Variants in PAMR1 observed in about 807,000 individuals in gnomAD.
The protein encoded by PAMR1 is inactive serine protease PAMR1.
PAMR1 carries 88 observed loss-of-function variants against 81.8 expected under a neutral mutation model. The ratio of observed to expected loss-of-function variants is 1.08; its 90% CI spans 0.91 to 1.28. The LOEUF is 1.28. PAMR1 is among the 50% of genes most tolerant of loss of function. PAMR1 has a pLI of 0.00. For missense variants in PAMR1, 935 were observed against 919.7 expected, an observed-to-expected ratio of 1.02 and a Z score of -0.21; for synonymous variants, 336 against 345.3, an observed-to-expected ratio of 0.97 and a Z score of 0.30.
intron 6 of PAMR1, among the ~76,000 whole-genome samples, chr11:35,457,309 G>GT (rs11381482): frequency 0.37 from 56,515 of 151,816 alleles, 10,939 homozygotes; most frequent in African/African-American, 0.48. Context: ...GAATGCTTGA[G>GT]GGGGAATCCA....
chr11:35,492,201 T>C (rs1259100196), intron 2 of PAMR1, 28 bp from the exon 3 acceptor site: 2 of 1,613,244 alleles, frequency 1.2e-6, no homozygotes, highest in East Asian at 2.2e-5. Context: ...AGAGGAGTGT[T>C]AGGCCAAAGC....
In PAMR1 at chr11:35,439,652, C is replaced by T; in HGVS notation, c.1075G>A (p.Val359Ile). Residue 359 changes from valine (V) to isoleucine (I), a missense_variant, in exon 8 of 11, where the codon GTT (valine) becomes ATT (isoleucine). Val to Ile is a conservative substitution (Grantham distance 29). Transcript: ENST00000619888. ...CTTGACTGAACCTGCATCGGAAGAA[C>T]TCTCCTTCTCACCAGGTCTGAAATC... ...PKISDLVRRRVLPMQVQSRET... is the reference protein window; with the variant it reads ...PKISDLVRRRILPMQVQSRET... 6.2e-7 allele frequency: 1 copy of T among 1,614,042 alleles called. No homozygotes were observed. Among genetic ancestry groups the T allele is most frequent in the Non-Finnish European group, 8.5e-7 (1 of 1,179,904 alleles).
chr11:35,525,718 G>C (rs1334897608), upstream of PAMR1: 1 of 718,914 alleles, frequency 1.4e-6, no homozygotes, highest in Non-Finnish European at 2.4e-6. Context: ...AGCTCGCCAG[G>C]CTCTCCCATC....
At chr11:35,453,582 C>G (rs963949988) in intron 6 of PAMR1, 1 of 152,176 alleles carries the variant, frequency 6.6e-6, no homozygotes, top group African/African-American at 2.4e-5. Flanking sequence ...AGACATCTAC[C>G]TGGTGGGTAC....
Position 35,492,190 on chromosome 11 carries a change from A to G in PAMR1, c.251-17T>C. On this transcript the variant is annotated splice_polypyrimidine_tract_variant and intron_variant, in intron 2 of 10. Coordinates refer to ENST00000619888, the MANE Select transcript of PAMR1 (RefSeq NM_001001991.3). Reference sequence around the variant, plus strand: ...TGGTACAACCTGAAACATTCCCAAGAAGAGGAGTGTTAGGCCAAAGCACCT... The same window carrying G: ...TGGTACAACCTGAAACATTCCCAAGGAGAGGAGTGTTAGGCCAAAGCACCT... 1.2e-6 allele frequency: 2 copies of G among 1,613,820 alleles called. No homozygotes were observed. Among genetic ancestry groups the G allele is most frequent in the South Asian group, 2.2e-5 (2 of 91,028 alleles).
intron 3 of PAMR1, among the ~76,000 whole-genome samples, chr11:35,482,913 T>C (rs1484435279): frequency 2.0e-5 from 3 of 152,228 alleles, no homozygotes; most frequent in Admixed American, 6.5e-5. Flanking sequence ...TCATCCATTA[T>C]AGTCATCTTT....
chr11:35,505,580 T>C (rs1438884910), intron 1 of PAMR1, among the ~76,000 whole-genome samples: 1 of 152,176 alleles, frequency 6.6e-6, no homozygotes, highest in African/African-American at 2.4e-5. Context: ...ATCCTCTTGC[T>C]GAATTGACTT....
chr11:35,495,327 T>G (rs1173783544), intron 1 of PAMR1, among the ~76,000 whole-genome samples: 1 of 150,938 alleles, frequency 6.6e-6, no homozygotes, highest in Non-Finnish European at 1.5e-5. Flanking sequence ...AACTGAGTGT[T>G]CTTTCTCATA....
chr11:35,470,534 G>T, intron 5 of PAMR1, 67 bp downstream of exon 5: 1 of 1,183,704 alleles, frequency 8.4e-7, no homozygotes, highest in Non-Finnish European at 1.3e-6. Context: ...GAAAGGAAGG[G>T]ACATGGAAAG....
chr11:35,507,149 C>T (rs910865311), intron 1 of PAMR1, among the ~76,000 whole-genome samples: 6 of 147,414 alleles, frequency 4.1e-5, no homozygotes, highest in South Asian at 2.2e-4. Flanking sequence ...CAGGTTCAAG[C>T]GATTCTCCTG....
chr11:35,447,627 C>T (rs1856325717), intron 6 of PAMR1, among the ~76,000 whole-genome samples: 2 of 152,170 alleles, frequency 1.3e-5, no homozygotes, highest in African/African-American at 4.8e-5. Context: ...TTAATTGGGG[C>T]ATTTAGCCTA....
At chr11:35,436,708 A>C (rs956222387) in intron 8 of PAMR1, among the ~76,000 whole-genome samples, 2 of 151,396 alleles carry the variant, frequency 1.3e-5, no homozygotes, top group Non-Finnish European at 2.9e-5. Context: ...TCTCCCACTG[A>C]GCAAATTCTC....
rs774719698 is a variant in PAMR1 at position 35,435,978 on chromosome 11, G to A, written c.1258C>T (p.Arg420Cys). ...LQYECISPFY[R>C]RLGSSRRTCL... ...GTCCTCCTGCTGCTGCCCAGGCGGC[G>A]GTAGAAGGGTGAGATGCACTCATAC... Residue 420 changes from arginine to cysteine, a missense_variant, in exon 9 of 11, where the codon CGC becomes TGC. By Grantham distance (180) the Arg-to-Cys change is radical. Transcript: ENST00000619888. The A allele has an allele frequency of 3.0e-5, 48 of 1,614,054 alleles. No homozygotes were observed. Among genetic ancestry groups the A allele is most frequent in the East Asian group, 4.5e-5 (2 of 44,886 alleles).
At chr11:35,451,889 A>T (rs1187095358) in intron 6 of PAMR1, 1 of 706,416 alleles carries the variant, frequency 1.4e-6, no homozygotes, top group Non-Finnish European at 2.6e-6. Flanking sequence ...AGCCCTCACC[A>T]GACAATGAAT....
At position 35,436,116 on chromosome 11, in the gene PAMR1, G is replaced by A; in HGVS notation, c.1120C>T (p.Leu374=). ...TGCTTGCTGAAGGCCGCTGAGTATAGCTGGTGTAATGGTGTCTCCCTGGGT... is the reference window on the plus strand; with the variant it reads ...TGCTTGCTGAAGGCCGCTGAGTATAACTGGTGTAATGGTGTCTCCCTGGGT... The part of the protein sequence containing the change: ...VQSRETPLHQ[L]YSAAFSKQKL... The change falls in exon 9 of 11, where the codon CTA becomes TTA. Residue 374 remains leucine, a synonymous_variant. Transcript: ENST00000619888. 1 of 1,613,762 alleles carries A rather than the reference G, an allele frequency of 6.2e-7. No individual in the cohort carries two copies. The highest frequency in any genetic ancestry group is 8.5e-7 in the Non-Finnish European group (1 of 1,179,676).
At chr11:35,485,515 G>A (rs1262267088) in intron 3 of PAMR1, among the ~76,000 whole-genome samples, 1 of 152,202 alleles carries the variant, frequency 6.6e-6, no homozygotes, top group African/African-American at 2.4e-5. Flanking sequence ...GCAGAAAGAT[G>A]TGAATAAGTT....
At chr11:35,526,657 T>G (rs906200498), upstream of PAMR1, among the ~76,000 whole-genome samples, 1 of 152,210 alleles carries the variant, frequency 6.6e-6, no homozygotes, top group African/African-American at 2.4e-5. Context: ...GAGCCAGGGT[T>G]TGAACCCGGG....
intron 4 of PAMR1, among the ~76,000 whole-genome samples, chr11:35,473,339 C>T (rs11033140): frequency 0.36 from 54,069 of 152,042 alleles, 10,427 homozygotes; most frequent in African/African-American, 0.52. Context: ...AATCCTCCAC[C>T]GTTTTGCTAT....
rs141122734 is a variant in PAMR1 at position 35,485,196 on chromosome 11, A to G, written c.379+6849T>C. On this transcript the variant is annotated intron_variant, in intron 3 of 10. Transcript: ENST00000619888. ...TGAGGTGCAGCCTGCTTAACGGGCC[A>G]AATCTGAAACAATCTAAGCATCAAA... 2.0e-4 allele frequency among the ~76,000 whole-genome samples: 31 copies of G among 152,340 alleles called. No individual in the cohort carries two copies. In the Middle Eastern group the frequency reaches 0.02, roughly 100 times the overall value.
Sources: allele counts gnomAD v4.1 joint callset (sites outside exome capture counted in the v4.1 genomes callset), GRCh38; gene constraint gnomAD v4.1.1; transcripts MANE v1.5; gene names NCBI Gene and HGNC (gene_info 2026-07-23, HGNC 2026-07-21).